DOP1B: variants seen among roughly 807,000 people sequenced by gnomAD.
DOP1B encodes the protein DOP1 leucine zipper like protein B.
In DOP1B, 174 loss-of-function variants were observed where a neutral mutation model predicts 233.5. That is an observed-to-expected ratio of 0.75 (90% confidence interval 0.66 to 0.85). DOP1B has a LOEUF of 0.85. Ranked by LOEUF, DOP1B falls within the 40% of genes least tolerant of loss-of-function variation. The pLI, the probability that DOP1B is intolerant of heterozygous loss-of-function variation, is 0.00. For synonymous variants in DOP1B, 1,190 were observed against 1,185.6 expected, an observed-to-expected ratio of 1.00 and a Z score of -0.08; for missense variants, 2,652 against 2,846.6, an observed-to-expected ratio of 0.93 and a Z score of 1.56.
intron 10 of DOP1B, among the ~76,000 whole-genome samples, chr21:36,220,667 ATTT>A (rs201067094): frequency 3.0e-5 from 4 of 134,890 alleles, no homozygotes; most frequent in Non-Finnish European, 3.2e-5. Context: ...TGCCCAGCTA[ATTT>A]TTTTTTTTTT....
chr21:36,238,471 C>T (rs1176167151), intron 16 of DOP1B, 130 bp from the exon 17 acceptor site: 13 of 708,576 alleles, frequency 1.8e-5, no homozygotes, highest in African/African-American at 1.2e-4. Flanking sequence ...GAGAATGCAG[C>T]GTCTTTGCTG....
intron 13 of DOP1B, among the ~76,000 whole-genome samples, chr21:36,229,773 T>C (rs968786151): frequency 6.6e-6 from 1 of 151,026 alleles, no homozygotes; most frequent in Non-Finnish European, 1.5e-5. Flanking sequence ...GCGATTCTCA[T>C]GCCTCAGCCT....
At chr21:36,263,700 T>C (rs944970144) in intron 25 of DOP1B, 48 bp from the exon 26 acceptor site, 1 of 1,613,648 alleles carries the variant, frequency 6.2e-7, no homozygotes, top group African/African-American at 1.3e-5. Flanking sequence ...TTGGCACATA[T>C]TTTATTTCTG....
rs1569046730 is a variant in DOP1B at position 36,245,363 on chromosome 21, T to C, written c.3383T>C (p.Phe1128Ser). ...ACGGACAGCGAGAACACGTCCTCCTTCTCCTCCCCTTCCCACGACCTGCAG... is the reference window on the plus strand; with the variant it reads ...ACGGACAGCGAGAACACGTCCTCCTCCTCCTCCCCTTCCCACGACCTGCAG... ...CHTDSENTSSFSSPSHDLQEL... is the reference protein window; with the variant it reads ...CHTDSENTSSSSSPSHDLQEL... Residue 1128 changes from phenylalanine to serine, a missense_variant, in exon 19 of 37, where the codon TTC becomes TCC. By Grantham distance (155) the Phe-to-Ser change is radical. Around this residue, in one of 3 missense-constraint regions of DOP1B, gnomAD observed 2,617 missense variants for 2,794.3 expected, o/e 0.94. Transcript: ENST00000691173. The surrounding 1 kb of genome is among the most constrained non-coding windows in gnomAD (Gnocchi z 5.5). 1.2e-6 allele frequency: 2 copies of C among 1,613,888 alleles called. No individual in the cohort carries two copies. The highest frequency in any genetic ancestry group is 8.5e-7 in the Non-Finnish European group (1 of 1,179,954).
intron 2 of DOP1B, among the ~76,000 whole-genome samples, chr21:36,173,930 G>C (rs753514410): frequency 4.0e-5 from 6 of 149,778 alleles, no homozygotes; most frequent in Admixed American, 6.6e-5. Flanking sequence ...TTGTTTTTTC[G>C]CTGCTTTTAT....
intron 2 of DOP1B, among the ~76,000 whole-genome samples, chr21:36,174,213 C>A (rs1226862279): frequency 6.6e-6 from 1 of 152,118 alleles, no homozygotes; most frequent in Non-Finnish European, 1.5e-5. Context: ...AGAGGCCAGG[C>A]GTGGTGGCTC....
chr21:36,158,241 G>C (rs926283966), intron 1 of DOP1B, among the ~76,000 whole-genome samples: 43 of 152,278 alleles, frequency 2.8e-4, no homozygotes, highest in Admixed American at 2.4e-3. Context: ...CTGTATAACT[G>C]TCGGTTTTAC....
At chr21:36,270,421 T>G (rs977357617) in intron 27 of DOP1B, among the ~76,000 whole-genome samples, 1 of 151,456 alleles carries the variant, frequency 6.6e-6, no homozygotes, top group East Asian at 1.9e-4. Flanking sequence ...GGCACAGTGG[T>G]AAGCACCTGT....
intron 20 of DOP1B, among the ~76,000 whole-genome samples, 199 bp from the exon 21 acceptor site, chr21:36,248,181 A>G (rs551846065): frequency 6.6e-6 from 1 of 152,202 alleles, no homozygotes; most frequent in African/African-American, 2.4e-5. Context: ...AGAACATCAG[A>G]CTCACAGCTG....
rs2066010594 is a variant in DOP1B at position 36,175,294 on chromosome 21, A to G, written c.138+10423A>G. On this transcript the variant is annotated intron_variant, in intron 2 of 36. Coordinates refer to ENST00000691173, the MANE Select transcript of DOP1B (RefSeq NM_001320714.2). Reference sequence around the variant, plus strand: ...GCCAGCTAATTTTTGTATTTTTAGTAGAGATGTGGTTTCACCATGTTGGCC... The same window carrying G: ...GCCAGCTAATTTTTGTATTTTTAGTGGAGATGTGGTTTCACCATGTTGGCC... Among the ~76,000 whole-genome samples, 4 of 151,814 alleles carry G rather than the reference A, an allele frequency of 2.6e-5. No individual in the cohort carries two copies. In the South Asian group the frequency reaches 8.3e-4, roughly 31 times the overall value.
At position 36,289,408 on chromosome 21, in the gene DOP1B, A is replaced by C. The variant is rs1403358562; in HGVS notation, c.6515+202A>C. The stretch of plus-strand genomic sequence containing the variant: ...GCAAATTTGGCTCACAGGAGTGTTT[A>C]TGAATGTGTTTCTATGGTGTGTGTG... On this transcript the variant is annotated intron_variant, in intron 35 of 36. Transcript: ENST00000691173. Among the ~76,000 whole-genome samples, 2 of 147,082 alleles carry C rather than the reference A, an allele frequency of 1.4e-5. 1 individual carries two copies.
chr21:36,277,938 G>A (rs988596990), intron 28 of DOP1B, 37 bp from the exon 29 acceptor site: 8 of 1,566,188 alleles, frequency 5.1e-6, no homozygotes, highest in African/African-American at 2.7e-5. Flanking sequence ...CGTCGCACCT[G>A]GCCAGTTTCT....
At chr21:36,292,699 C>T (rs1270937178) in intron 36 of DOP1B, among the ~76,000 whole-genome samples, 5 of 151,030 alleles carry the variant, frequency 3.3e-5, no homozygotes, top group Non-Finnish European at 7.4e-5. Context: ...GCAACCTCCA[C>T]CTCCCAGGTT....
chr21:36,183,884 G>A (rs1358967136), intron 2 of DOP1B, among the ~76,000 whole-genome samples: 1 of 118,910 alleles, frequency 8.4e-6, no homozygotes, highest in African/African-American at 3.2e-5. Flanking sequence ...TTTTTTTTTA[G>A]ATGGCGTCTC....
At chr21:36,236,406 T>A (rs1409798304) in intron 15 of DOP1B, among the ~76,000 whole-genome samples, 1 of 152,252 alleles carries the variant, frequency 6.6e-6, no homozygotes, top group African/African-American at 2.4e-5. Context: ...GAATTAAAGC[T>A]GGTAGGCGTG....
intron 26 of DOP1B, among the ~76,000 whole-genome samples, chr21:36,265,518 C>T (rs2067220942): frequency 6.6e-6 from 1 of 152,250 alleles, no homozygotes; most frequent in South Asian, 2.1e-4. Flanking sequence ...GCTGCACGTC[C>T]AGGTGCTGGG....
chr21:36,238,178 A>G (rs1271212988), intron 16 of DOP1B, among the ~76,000 whole-genome samples: 1 of 152,214 alleles, frequency 6.6e-6, no homozygotes, highest in Non-Finnish European at 1.5e-5. Context: ...AAAAATAAAT[A>G]AATAAAAATA....
intron 5 of DOP1B, among the ~76,000 whole-genome samples, chr21:36,209,179 T>A (rs1207164858): frequency 6.6e-6 from 1 of 152,226 alleles, no homozygotes. Context: ...TGGGGTGCAG[T>A]GGCACAACCT....
chr21:36,197,216 G>T (rs2066301458), intron 2 of DOP1B, among the ~76,000 whole-genome samples: 1 of 152,116 alleles, frequency 6.6e-6, no homozygotes, highest in South Asian at 2.1e-4. Flanking sequence ...ATAGGTGTGA[G>T]CCACTGCACC....
Sources: gnomAD v4.1 joint callset for allele counts (sites outside exome capture counted in the v4.1 genomes callset) on GRCh38, gnomAD v4.1.1 for gene constraint, gnomAD v4.1.1 regional missense constraint, Gnocchi (gnomAD v3.1) non-coding constraint, MANE v1.5 for transcripts, NCBI Gene and HGNC (gene_info 2026-07-23, HGNC 2026-07-21) for gene names.